Variants in SPHKAP observed in about 807,000 individuals in gnomAD.
SPHKAP encodes the protein SPHK1 interactor, AKAP domain containing.
SPHKAP carries 67 observed loss-of-function variants against 137.5 expected under a neutral mutation model. The ratio of observed to expected loss-of-function variants is 0.49; its 90% CI spans 0.40 to 0.60. SPHKAP has a LOEUF of 0.60. Among genes scored for constraint, SPHKAP ranks in the 20% least tolerant of loss-of-function variants. The pLI is 0.00. For synonymous variants in SPHKAP, 813 were observed against 785.3 expected (o/e 1.04, Z -0.59); for missense variants, 2,097 against 2,069.3 (o/e 1.01, Z -0.26).
intron 3 of SPHKAP, among the ~76,000 whole-genome samples, chr2:228,033,766 C>A (rs1695455485): frequency 1.3e-5 from 2 of 152,178 alleles, no homozygotes; most frequent in Non-Finnish European, 1.5e-5. Context: ...GAACAACCTG[C>A]TCCTGAATGA....
Position 228,079,308 on chromosome 2 carries a change from C to T in SPHKAP, c.246+29524G>A, listed in dbSNP as rs564072718. ...TCAGGCGATAATGCTTGCTTGCCTGCCACTCACCTCCTGTTGCATGGCCTG... is the reference window on the plus strand; with the variant it reads ...TCAGGCGATAATGCTTGCTTGCCTGTCACTCACCTCCTGTTGCATGGCCTG... On this transcript the variant is annotated intron_variant, in intron 3 of 11. Transcript: ENST00000392056. Among the ~76,000 whole-genome samples the T allele has an allele frequency of 2.5e-3, 382 of 152,324 alleles. 1 individual carries two copies. The highest frequency in any genetic ancestry group is 4.6e-3 in the Admixed American group (71 of 15,302).
chr2:228,075,707 T>G (rs1450867109), intron 3 of SPHKAP, among the ~76,000 whole-genome samples: 1 of 152,196 alleles, frequency 6.6e-6, no homozygotes, highest in Admixed American at 6.5e-5. Context: ...CAGATGTAAG[T>G]CATGCGGAAA....
chr2:228,108,934 A>C lies in SPHKAP; in HGVS notation c.144T>G (p.Leu48=). The change falls in exon 3 of 12, where the codon CTT becomes CTG. Residue 48 remains leucine (L), a synonymous_variant. Transcript: ENST00000392056. ...TTGACTCCAGCAGGCTATTGCTGCG[A>C]AGAACCTGGAGGAACCCAGAAAAAC... ...GNSITACKKV[L]RSNSLLESTD... The C allele has an allele frequency of 6.3e-7, 1 of 1,595,928 alleles. No homozygotes were observed. Among genetic ancestry groups the C allele is most frequent in the East Asian group, 2.3e-5 (1 of 43,200 alleles).
intron 3 of SPHKAP, among the ~76,000 whole-genome samples, chr2:228,070,527 G>A (rs2106300602): frequency 6.6e-6 from 1 of 151,806 alleles, no homozygotes; most frequent in South Asian, 2.1e-4. Flanking sequence ...ATCCTAGAGG[G>A]GTCCATGTCA....
intron 1 of SPHKAP, among the ~76,000 whole-genome samples, chr2:228,178,095 A>T (rs970753886): frequency 3.9e-5 from 6 of 152,202 alleles, no homozygotes; most frequent in African/African-American, 1.4e-4. Context: ...CCTTGCTTTT[A>T]GGCTGCCCCC....
chr2:228,177,811 C>T (rs963319826), intron 1 of SPHKAP, among the ~76,000 whole-genome samples: 1 of 152,238 alleles, frequency 6.6e-6, no homozygotes, highest in Non-Finnish European at 1.5e-5. Flanking sequence ...CATTATTACA[C>T]ATGGAGAAAA....
intron 9 of SPHKAP, chr2:227,991,940 G>T: frequency 5.9e-6 from 1 of 168,890 alleles, no homozygotes; most frequent in Non-Finnish European, 1.2e-5. Flanking sequence ...TAGCAGGCTG[G>T]GTGGTTTAGA....
chr2:228,027,768 C>T (rs2106231155), intron 3 of SPHKAP, among the ~76,000 whole-genome samples: 1 of 152,002 alleles, frequency 6.6e-6, no homozygotes, highest in South Asian at 2.1e-4. Context: ...GAGATCGAGA[C>T]CATCCTGGCC....
chr2:228,121,515 A>C (rs965706825), intron 2 of SPHKAP, among the ~76,000 whole-genome samples: 1 of 152,168 alleles, frequency 6.6e-6, no homozygotes, highest in African/African-American at 2.4e-5. Flanking sequence ...GACAAAATAA[A>C]ATAATAAAAT....
rs1237038067 is a variant in SPHKAP, at chr2:228,176,843, C to A, written c.32+4724G>T. 6.6e-5 allele frequency among the ~76,000 whole-genome samples: 10 copies of A among 152,298 alleles called. No individual in the cohort carries two copies. In the South Asian group the frequency reaches 8.3e-4, roughly 13 times the overall value. ...TGAGCAGAGATCGCGCCATTGCACT[C>A]CAGCCTGGGCAACAAGAGCGAAACT... On this transcript the variant is annotated intron_variant, in intron 1 of 11. Coordinates refer to ENST00000392056, the MANE Select transcript of SPHKAP (RefSeq NM_001142644.2).
At chr2:228,112,116 T>C (rs1258026586) in intron 2 of SPHKAP, among the ~76,000 whole-genome samples, 3 of 152,178 alleles carry the variant, frequency 2.0e-5, no homozygotes, top group Non-Finnish European at 4.4e-5. Context: ...AGCCAACTGA[T>C]GTTATCATGC....
At chr2:228,175,226 G>A (rs992443700) in intron 1 of SPHKAP, among the ~76,000 whole-genome samples, 1 of 151,988 alleles carries the variant, frequency 6.6e-6, no homozygotes, top group Non-Finnish European at 1.5e-5. Flanking sequence ...TTGGATAGAA[G>A]AGAAGTTAAT....
At chr2:228,037,562 G>GA (rs1337348600) in intron 3 of SPHKAP, among the ~76,000 whole-genome samples, 1 of 152,052 alleles carries the variant, frequency 6.6e-6, no homozygotes, top group Non-Finnish European at 1.5e-5. Context: ...AACTATATAC[G>GA]AAAGTGACCT....
chr2:228,158,955 C>T (rs1700192655), intron 1 of SPHKAP, among the ~76,000 whole-genome samples: 1 of 152,290 alleles, frequency 6.6e-6, no homozygotes, highest in East Asian at 1.9e-4. Flanking sequence ...CATTCCGTCC[C>T]CTTCTTTCTG....
intron 7 of SPHKAP, among the ~76,000 whole-genome samples, chr2:228,001,826 T>A (rs1693918059): frequency 6.6e-6 from 1 of 152,068 alleles, no homozygotes; most frequent in South Asian, 2.1e-4. Flanking sequence ...AGTGTTTGGT[T>A]TTTTTTCCTT....
chr2:228,091,004 A>G (rs958220316), intron 3 of SPHKAP, among the ~76,000 whole-genome samples: 3 of 152,206 alleles, frequency 2.0e-5, no homozygotes, highest in African/African-American at 7.2e-5. Context: ...TAATTCATCT[A>G]TATTAAAAAT....
At chr2:228,145,992 A>C (rs1357926895) in intron 1 of SPHKAP, among the ~76,000 whole-genome samples, 1 of 152,172 alleles carries the variant, frequency 6.6e-6, no homozygotes, top group African/African-American at 2.4e-5. Context: ...CTCGGATAAC[A>C]AACATCCCAG....
chr2:228,082,909 C>A (rs941368177), intron 3 of SPHKAP, among the ~76,000 whole-genome samples: 1 of 152,156 alleles, frequency 6.6e-6, no homozygotes, highest in Non-Finnish European at 1.5e-5. Flanking sequence ...CATGAAGTCA[C>A]ATAAATTAGG....
chr2:228,113,370 G>C (rs900544287), intron 2 of SPHKAP, among the ~76,000 whole-genome samples: 9 of 151,994 alleles, frequency 5.9e-5, no homozygotes, highest in African/African-American at 2.2e-4. Context: ...CATAGATAAG[G>C]TTCTTAAAAC....
Sources: gnomAD v4.1 joint callset for allele counts (sites outside exome capture counted in the v4.1 genomes callset) on GRCh38, gnomAD v4.1.1 for gene constraint, MANE v1.5 for transcripts, NCBI Gene and HGNC (gene_info 2026-07-23, HGNC 2026-07-21) for gene names.